The following AHI1 variants were observed in gnomAD, a reference collection of about 807,000 sequenced individuals.
AHI1 encodes jouberin.
AHI1 carries 123 observed loss-of-function variants against 149.3 expected under a neutral mutation model. The observed-to-expected ratio is 0.82, with a 90% CI of 0.71 to 0.96. AHI1 has a LOEUF of 0.96. Ranked by LOEUF, AHI1 falls within the 40% of genes least tolerant of loss-of-function variation. AHI1 has a pLI of 0.00. For missense variants in AHI1, 1,439 were observed against 1,422.7 expected (o/e 1.01, Z -0.18); for synonymous variants, 475 against 459.8 (o/e 1.03, Z -0.42).
intron 24 of AHI1, among the ~76,000 whole-genome samples, chr6:135,341,820 A>G (rs1790417191): frequency 1.3e-5 from 2 of 151,960 alleles, no homozygotes. Flanking sequence ...CAGTAATTTG[A>G]TGAAATTTTA....
rs191042164 is a variant in AHI1 at position 135,445,555 on chromosome 6, T to A, written c.1779+1453A>T. Among the ~76,000 whole-genome samples, 841 of 151,938 alleles carry A rather than the reference T, an allele frequency of 5.5e-3. 11 individuals carry two copies. Among genetic ancestry groups the A allele is most frequent in the African/African-American group, 0.016 (665 of 41,454 alleles). Reference sequence around the variant, plus strand: ...TATACATCTTACAGACATCAAAAAATTTTTTTTTAAATTTTTAATTCTTTT... The same window carrying A: ...TATACATCTTACAGACATCAAAAAAATTTTTTTTAAATTTTTAATTCTTTT... On this transcript the variant is annotated intron_variant, in intron 13 of 28. Transcript: ENST00000265602.
chr6:135,405,906 A>C (rs1780729782), intron 21 of AHI1, among the ~76,000 whole-genome samples: 1 of 151,690 alleles, frequency 6.6e-6, no homozygotes, highest in Non-Finnish European at 1.5e-5. Context: ...AAGAAAAAGA[A>C]AAAAAAATAC....
Position 135,457,540 on chromosome 6 carries a change from G to C in AHI1, c.1105C>G (p.His369Asp), listed in dbSNP as rs1789169805. The change falls in exon 9 of 29, where the codon CAT becomes GAT. Residue 369 changes from histidine (H) to aspartate (D), a missense_variant. Coordinates refer to ENST00000265602, the MANE Select transcript of AHI1 (RefSeq NM_001134831.2). ...FMISHPMVKI[H>D]VVDEHTGQYV... is the part of the protein sequence containing the mutation. ...TGACCAGTATGCTCATCAACCACAT[G>C]AATTTTTACCATTGGGTGAGAAATC... The C allele has an allele frequency of 6.2e-7, 1 of 1,613,734 alleles. No homozygotes were observed. Among genetic ancestry groups the C allele is most frequent in the Non-Finnish European group, 8.5e-7 (1 of 1,179,784 alleles).
intron 21 of AHI1, among the ~76,000 whole-genome samples, chr6:135,406,218 C>G (rs1319093801): frequency 5.3e-5 from 8 of 152,264 alleles, no homozygotes; most frequent in Admixed American, 4.6e-4. Context: ...GTTTTTAGAT[C>G]CAGAAATTTG....
At chr6:135,454,372 G>A (rs1788596415) in intron 10 of AHI1, among the ~76,000 whole-genome samples, 1 of 151,958 alleles carries the variant, frequency 6.6e-6, no homozygotes, top group Non-Finnish European at 1.5e-5. Context: ...GTTAATGACT[G>A]CCTACTATTC....
At chr6:135,303,706 C>T (rs1034581402) in intron 26 of AHI1, among the ~76,000 whole-genome samples, 3 of 152,122 alleles carry the variant, frequency 2.0e-5, no homozygotes, top group Admixed American at 6.5e-5. Context: ...GTTTTTCAAA[C>T]TGATTTAATG....
rs1043820478 is a variant in AHI1, at chr6:135,302,136, T to C, written c.3427-1578A>G. The C allele has an allele frequency of 3.0e-6, 3 of 984,698 alleles. No homozygotes were observed. The African/African-American group carries it at 5.2e-5, about 17-fold the overall frequency. 61.0% of individuals were successfully genotyped at this position (984,698 alleles called of 1,614,324 possible). ...CCTTCTGAGTTGCTGGGATTACAGGTGTGCGCCTCCATGTCCAGCTATTCT... is the reference window on the plus strand; with the variant it reads ...CCTTCTGAGTTGCTGGGATTACAGGCGTGCGCCTCCATGTCCAGCTATTCT... On this transcript the variant is annotated intron_variant, in intron 26 of 28. Coordinates refer to ENST00000265602, the MANE Select transcript of AHI1 (RefSeq NM_001134831.2).
At chr6:135,352,951 T>C (rs1263426920) in intron 24 of AHI1, among the ~76,000 whole-genome samples, 4 of 151,770 alleles carry the variant, frequency 2.6e-5, no homozygotes, top group Non-Finnish European at 5.9e-5. Flanking sequence ...TGCTGTTATA[T>C]CTTCCAGTAA....
chr6:135,474,562 A>C (rs1283813154), intron 5 of AHI1: 2 of 152,064 alleles, frequency 1.3e-5, no homozygotes, highest in East Asian at 3.9e-4. Context: ...TCAATCTGTA[A>C]CTGACTGTGA....
At chr6:135,354,610 T>C (rs1445013013) in intron 24 of AHI1, among the ~76,000 whole-genome samples, 1 of 152,158 alleles carries the variant, frequency 6.6e-6, no homozygotes, top group African/African-American at 2.4e-5. Context: ...TAACTAACTT[T>C]TACACCTGCC....
intron 3 of AHI1, among the ~76,000 whole-genome samples, chr6:135,494,326 A>G (rs532294262): frequency 3.3e-5 from 5 of 152,336 alleles, no homozygotes; most frequent in African/African-American, 1.2e-4. Flanking sequence ...AATGTTAGCT[A>G]TAACTGTAAC....
At chr6:135,453,263 C>T (rs1788412599) in intron 11 of AHI1, 78 bp downstream of exon 11, 4 of 1,126,504 alleles carry the variant, frequency 3.6e-6, no homozygotes, top group South Asian at 2.7e-5. Flanking sequence ...TTATATGAGA[C>T]CAAACTGATT....
intron 19 of AHI1, 113 bp from the exon 20 acceptor site, chr6:135,427,420 CATTA>C: frequency 1.1e-6 from 1 of 908,372 alleles, no homozygotes; most frequent in Non-Finnish European, 1.6e-6. Flanking sequence ...ATGATGCTCA[CATTA>C]TTTATGTGAA....
chr6:135,392,965 GTT>G (rs1326434302), intron 23 of AHI1, among the ~76,000 whole-genome samples: 18 of 152,056 alleles, frequency 1.2e-4, no homozygotes, highest in African/African-American at 4.3e-4. Context: ...AAATTTTTCT[GTT>G]CAGTGATATC....
At position 135,364,215 on chromosome 6, in the gene AHI1, C is replaced by T. The variant is rs575533680; in HGVS notation, c.3110-6028G>A. On this transcript the variant is annotated intron_variant, in intron 23 of 28. Transcript: ENST00000265602. The stretch of plus-strand genomic sequence containing the variant: ...GCAGAGGGTCTCCTCACTTCTCAGA[C>T]GGGGCGTCCGGGCAGAGACGCTCCT... 2.6e-3 allele frequency among the ~76,000 whole-genome samples: 388 copies of T among 150,524 alleles called. 1 individual carries two copies. The highest frequency in any genetic ancestry group is 8.5e-3 in the African/African-American group (348 of 40,886).
rs1039672962 is a variant in AHI1, at chr6:135,467,539, T to C, written c.189+42A>G. ...TATTCCTCAATTTGTTTTTAGTGAC[T>C]CTCATGCTCTTCTTCAGGCTGTTAG... On this transcript the variant is annotated intron_variant, in intron 6 of 28. Coordinates refer to ENST00000265602, the MANE Select transcript of AHI1 (RefSeq NM_001134831.2). 7 of 1,520,990 alleles carry C rather than the reference T, an allele frequency of 4.6e-6. No homozygotes were observed. In the African/African-American group the frequency reaches 5.5e-5, roughly 12 times the overall value. 94.2% of individuals were successfully genotyped at this position (1,520,990 alleles called of 1,614,324 possible).
chr6:135,476,272 A>G (rs1199205318), intron 5 of AHI1, among the ~76,000 whole-genome samples: 1 of 152,138 alleles, frequency 6.6e-6, no homozygotes, highest in Admixed American at 6.5e-5. Context: ...CTTTTGGTTA[A>G]CTATTTCTAA....
intron 23 of AHI1, among the ~76,000 whole-genome samples, chr6:135,364,961 G>GGGAGAGGGAGAGGGAGAGGGAGC (rs1554295617): frequency 6.6e-6 from 1 of 151,914 alleles, no homozygotes; most frequent in African/African-American, 2.4e-5. Context: ...GAGTGGGAGC[G>GGGAGAGGGAGAGGGAGAGGGAGC]GGAGCGTCTT....
At chr6:135,367,619 C>G (rs899558959) in intron 23 of AHI1, among the ~76,000 whole-genome samples, 1 of 151,988 alleles carries the variant, frequency 6.6e-6, no homozygotes, top group East Asian at 1.9e-4. Context: ...CTCTTATGTT[C>G]TTTCTTTTAC....
Sources: allele counts gnomAD v4.1 joint callset (sites outside exome capture counted in the v4.1 genomes callset), GRCh38; gene constraint gnomAD v4.1.1; transcripts MANE v1.5; gene names NCBI Gene and HGNC (gene_info 2026-07-23, HGNC 2026-07-21).